P3H2: variants seen among roughly 807,000 people sequenced by gnomAD.
The protein encoded by P3H2 is prolyl 3-hydroxylase 2.
Under a neutral mutation model 87.0 loss-of-function variants are expected in P3H2, and 80 were observed. The ratio of observed to expected loss-of-function variants is 0.92; its 90% CI spans 0.77 to 1.11. P3H2 has a LOEUF of 1.11. Ranked by LOEUF, P3H2 falls within the 50% of genes least tolerant of loss-of-function variation. The probability of loss-of-function intolerance (pLI) is 0.00; values close to 1 mark genes in which losing one functional copy is unlikely to be tolerated. For synonymous variants in P3H2, 367 were observed against 359.3 expected (o/e 1.02, Z -0.24); for missense variants, 1,001 against 923.9 (o/e 1.08, Z -1.08).
chr3:189,972,956 T>TAAAACAGA lies in P3H2; in HGVS notation c.1616_1617insTCTGTTTT (p.Arg540LeufsTer3). 1 of 1,613,882 alleles carries TAAAACAGA rather than the reference T, an allele frequency of 6.2e-7. No homozygotes were observed. The highest frequency in any genetic ancestry group is 2.2e-5 in the East Asian group (1 of 44,844). ...GCATAAAATAAGATTCTACAATCCT[T>TAAAACAGA]CGAGCCTTTTCGCTGATGTCATAAA... On this transcript the variant is annotated frameshift_variant, in exon 11 of 15. Coordinates refer to ENST00000319332, the MANE Select transcript of P3H2 (RefSeq NM_018192.4). LOFTEE classifies it high-confidence loss of function.
rs10532307 is a variant in P3H2 at position 189,984,328 on chromosome 3, GA to G, written c.1229+221del. On this transcript the variant is annotated intron_variant, in intron 7 of 14. Coordinates refer to ENST00000319332, the MANE Select transcript of P3H2 (RefSeq NM_018192.4). ...ACCTGATTTAACCCTTTTTTTCCTGGAAAAAAAAAATGAGATCCAGAAAGCA... is the reference window on the plus strand; with the variant it reads ...ACCTGATTTAACCCTTTTTTTCCTGGAAAAAAAAATGAGATCCAGAAAGCA... Among the ~76,000 whole-genome samples, 1,233 of 151,086 alleles carry G rather than the reference GA, an allele frequency of 8.2e-3. 14 individuals carry two copies. Among genetic ancestry groups the G allele is most frequent in the African/African-American group, 0.029 (1,182 of 41,032 alleles).
intron 1 of P3H2, among the ~76,000 whole-genome samples, chr3:190,095,168 T>C (rs1195001061): frequency 6.6e-6 from 1 of 151,466 alleles, no homozygotes; most frequent in Non-Finnish European, 1.5e-5. Flanking sequence ...ACATGAAAAC[T>C]GAGACTTATT....
intron 1 of P3H2, among the ~76,000 whole-genome samples, chr3:190,103,182 C>T (rs1711695560): frequency 6.6e-6 from 1 of 152,240 alleles, no homozygotes; most frequent in Non-Finnish European, 1.5e-5. Context: ...CTGAGGTATG[C>T]TAGTTTTCTA....
intron 1 of P3H2, among the ~76,000 whole-genome samples, chr3:190,011,464 C>T (rs1724586396): frequency 6.6e-6 from 1 of 152,098 alleles, no homozygotes; most frequent in African/African-American, 2.4e-5. Flanking sequence ...TTGATCAAGA[C>T]CCTCTTCCTT....
At chr3:190,109,473 G>T (rs1310353574) in intron 1 of P3H2, among the ~76,000 whole-genome samples, 2 of 152,180 alleles carry the variant, frequency 1.3e-5, no homozygotes, top group Non-Finnish European at 2.9e-5. Context: ...ATAAATAATT[G>T]GGTTTGAGAA....
Position 189,972,890 on chromosome 3 carries a change from G to A in P3H2, c.1683C>T (p.Cys561=). The A allele has an allele frequency of 6.2e-7, 1 of 1,614,064 alleles. No homozygotes were observed. The highest frequency in any genetic ancestry group is 8.5e-7 in the Non-Finnish European group (1 of 1,179,948). The part of the protein sequence containing the change: ...TLYFSYTHMV[C]RTALSGQQDR... ...CAATCTCACCAGACAGGGCTGTTCGGCAGACCATGTGTGTATAGGAAAAAT... is the reference window on the plus strand; with the variant it reads ...CAATCTCACCAGACAGGGCTGTTCGACAGACCATGTGTGTATAGGAAAAAT... The change falls in exon 11 of 15, where the codon TGC becomes TGT. Residue 561 remains cysteine (C), a synonymous_variant. Coordinates refer to ENST00000319332, the MANE Select transcript of P3H2 (RefSeq NM_018192.4).
At chr3:190,045,379 G>C (rs1420854658) in intron 1 of P3H2, among the ~76,000 whole-genome samples, 22 of 152,110 alleles carry the variant, frequency 1.4e-4, no homozygotes, top group Admixed American at 1.4e-3. Context: ...TAGGGCTCTT[G>C]CTGTAAGAAG....
intron 8 of P3H2, among the ~76,000 whole-genome samples, chr3:189,978,623 A>C (rs1278186657): frequency 6.6e-6 from 1 of 152,130 alleles, no homozygotes. Context: ...CTAAGTGTAG[A>C]ATTTTACACA....
At chr3:190,103,722 C>T (rs191790556) in intron 1 of P3H2, among the ~76,000 whole-genome samples, 4 of 152,050 alleles carry the variant, frequency 2.6e-5, no homozygotes, top group East Asian at 3.9e-4. Context: ...TCCGGTTCAC[C>T]GACTTATGGT....
intron 1 of P3H2, among the ~76,000 whole-genome samples, chr3:190,038,237 A>T (rs1182339486): frequency 9.1e-4 from 6 of 6,576 alleles, no homozygotes; most frequent in African/African-American, 2.3e-3. Flanking sequence ...CTAGGTTTAA[A>T]AAAAAAAAAA....
chr3:189,987,726 T>C, intron 4 of P3H2, 57 bp from the exon 5 acceptor site: 1 of 1,608,936 alleles, frequency 6.2e-7, no homozygotes, highest in Non-Finnish European at 8.5e-7. Flanking sequence ...CAAAGGATTT[T>C]AAAGGGAGGC....
chr3:189,969,413 G>T, intron 13 of P3H2: 1 of 803,140 alleles, frequency 1.2e-6, no homozygotes, highest in Non-Finnish European at 2.2e-6. Context: ...GTCTCTATAA[G>T]AACGTCTCTC....
intron 1 of P3H2, among the ~76,000 whole-genome samples, chr3:190,103,879 C>T (rs1053004313): frequency 2.6e-5 from 4 of 151,890 alleles, no homozygotes; most frequent in Non-Finnish European, 5.9e-5. Flanking sequence ...GCAACCTCTG[C>T]CTCCCAGGTT....
chr3:190,114,500 T>A (rs751390295), intron 1 of P3H2, among the ~76,000 whole-genome samples: 20 of 152,134 alleles, frequency 1.3e-4, no homozygotes, highest in Non-Finnish European at 2.2e-4. Flanking sequence ...CTAATTAAAT[T>A]TTAAGCCTCT....
At chr3:190,111,896 A>C (rs1712082328) in intron 1 of P3H2, among the ~76,000 whole-genome samples, 1 of 152,242 alleles carries the variant, frequency 6.6e-6, no homozygotes, top group Non-Finnish European at 1.5e-5. Context: ...AGCCACTTCT[A>C]TTCACAGGAA....
intron 1 of P3H2, among the ~76,000 whole-genome samples, chr3:190,011,812 C>T (rs1331626119): frequency 6.6e-6 from 1 of 152,018 alleles, no homozygotes; most frequent in Non-Finnish European, 1.5e-5. Context: ...TCATGATATA[C>T]TCTCGAATGA....
rs1723745183 is a variant in P3H2 at position 189,987,573 on chromosome 3, C to T, written c.1052G>A (p.Ser351Asn). The change falls in exon 5 of 15, where the codon AGT (serine) becomes AAT (asparagine). Residue 351 changes from serine (S) to asparagine (N), a missense_variant. Physicochemically the swap from Ser to Asn is conservative, Grantham distance 46. Coordinates refer to ENST00000319332, the MANE Select transcript of P3H2 (RefSeq NM_018192.4). ...CGGGTCAATGCTATCATCCAGCAGA[C>T]TCTCATAGTAATCCACATTGTCTAG... ...DVLDNVDYYE[S>N]LLDDSIDPAS... 1.2e-6 allele frequency: 2 copies of T among 1,613,844 alleles called. No homozygotes were observed. The highest frequency in any genetic ancestry group is 1.3e-5 in the African/African-American group (1 of 74,868).
chr3:190,001,689 T>C (rs1353373081), intron 1 of P3H2, among the ~76,000 whole-genome samples: 3 of 152,214 alleles, frequency 2.0e-5, no homozygotes, highest in African/African-American at 7.2e-5. Flanking sequence ...AATTACAGCA[T>C]GTATATCACA....
intron 1 of P3H2, among the ~76,000 whole-genome samples, chr3:190,044,470 A>G (rs1725738582): frequency 6.6e-6 from 1 of 152,206 alleles, no homozygotes; most frequent in Non-Finnish European, 1.5e-5. Flanking sequence ...AACAGTTCTG[A>G]CATCTGCCTC....
Sources: allele counts gnomAD v4.1 joint callset (sites outside exome capture counted in the v4.1 genomes callset), GRCh38; gene constraint gnomAD v4.1.1; transcripts MANE v1.5; gene names NCBI Gene and HGNC (gene_info 2026-07-23, HGNC 2026-07-21).